PPP2R2A: variants seen among roughly 807,000 people sequenced by gnomAD.
The protein encoded by PPP2R2A is protein phosphatase 2 regulatory subunit Balpha.
In PPP2R2A, 9 loss-of-function variants were observed where a neutral mutation model predicts 53.2. The observed-to-expected ratio is 0.17, with a 90% CI of 0.10 to 0.30. The LOEUF (loss-of-function observed/expected upper bound fraction) is 0.30, where lower values mean the gene tolerates loss of function less well. Among genes scored for constraint, PPP2R2A ranks in the 10% least tolerant of loss-of-function variants. The pLI is 1.00. For synonymous variants in PPP2R2A, 169 were observed against 174.2 expected (o/e 0.97, Z 0.23); for missense variants, 235 against 534.6 (o/e 0.44, Z 5.53).
intron 3 of PPP2R2A, among the ~76,000 whole-genome samples, chr8:26,347,349 T>C (rs577328287): frequency 4.0e-5 from 6 of 151,616 alleles, no homozygotes; most frequent in African/African-American, 7.3e-5. Context: ...GGAAGAGCGC[T>C]AGCATCTGAG....
chr8:26,363,959 T>C, intron 8 of PPP2R2A, 69 bp downstream of exon 8: 1 of 1,370,836 alleles, frequency 7.3e-7, no homozygotes, highest in Non-Finnish European at 9.8e-7. Flanking sequence ...AGAAGGATTT[T>C]GTTACTAGGT....
At chr8:26,324,671 C>T (rs1803001901) in intron 2 of PPP2R2A, among the ~76,000 whole-genome samples, 1 of 148,114 alleles carries the variant, frequency 6.8e-6, no homozygotes, top group Non-Finnish European at 1.5e-5. Context: ...GGCTACCATC[C>T]TCCAGACTAC....
intron 3 of PPP2R2A, 87 bp downstream of exon 3, chr8:26,339,074 T>G (rs1281186355): frequency 3.0e-6 from 3 of 1,010,082 alleles, no homozygotes; most frequent in Non-Finnish European, 4.5e-6. Context: ...TCAGAGGATG[T>G]TGGAATTTTA....
intron 3 of PPP2R2A, among the ~76,000 whole-genome samples, chr8:26,353,809 G>A (rs981872075): frequency 4.6e-5 from 7 of 152,188 alleles, no homozygotes; most frequent in Non-Finnish European, 8.8e-5. Flanking sequence ...AATTTAAGGC[G>A]AGTAAGCAGT....
At chr8:26,345,763 T>C (rs1418018455) in intron 3 of PPP2R2A, among the ~76,000 whole-genome samples, 1 of 152,198 alleles carries the variant, frequency 6.6e-6, no homozygotes, top group East Asian at 1.9e-4. Flanking sequence ...TGATTGAAAA[T>C]ACATTATTTC....
At chr8:26,295,645 T>C (rs1433876413) in intron 2 of PPP2R2A, among the ~76,000 whole-genome samples, 2 of 152,252 alleles carry the variant, frequency 1.3e-5, no homozygotes, top group African/African-American at 4.8e-5. Flanking sequence ...GTTAAATATT[T>C]TAACGTAAGC....
intron 2 of PPP2R2A, among the ~76,000 whole-genome samples, chr8:26,308,652 A>G (rs927112911): frequency 2.6e-5 from 4 of 152,128 alleles, no homozygotes; most frequent in Non-Finnish European, 5.9e-5. Flanking sequence ...CCTACATGGA[A>G]GTCTTGAGCC....
At chr8:26,313,224 A>G (rs1376395734) in intron 2 of PPP2R2A, among the ~76,000 whole-genome samples, 5 of 151,766 alleles carry the variant, frequency 3.3e-5, no homozygotes, top group South Asian at 2.1e-4. Context: ...TAGTAGAGAC[A>G]TGGTTTCACT....
intron 1 of PPP2R2A, 108 bp downstream of exon 1, chr8:26,291,934 C>A: frequency 7.7e-7 from 1 of 1,296,480 alleles, no homozygotes; most frequent in Non-Finnish European, 1.0e-6. Context: ...CAGGGCGCCC[C>A]TCGGGTTTGA....
At chr8:26,305,230 G>A (rs1311351738) in intron 2 of PPP2R2A, among the ~76,000 whole-genome samples, 2 of 152,166 alleles carry the variant, frequency 1.3e-5, no homozygotes, top group South Asian at 2.1e-4. Flanking sequence ...TGTAGTATGT[G>A]ACAGGATTTC....
chr8:26,333,249 A>G (rs1803475164), intron 2 of PPP2R2A, among the ~76,000 whole-genome samples: 1 of 152,200 alleles, frequency 6.6e-6, no homozygotes, highest in Non-Finnish European at 1.5e-5. Flanking sequence ...GGGCATGGCT[A>G]AGTTCCATTA....
intron 2 of PPP2R2A, among the ~76,000 whole-genome samples, chr8:26,331,922 T>C (rs1803398314): frequency 6.6e-6 from 1 of 152,252 alleles, no homozygotes; most frequent in South Asian, 2.1e-4. Context: ...TTTAACCTTT[T>C]AAATTGTTAC....
chr8:26,345,476 C>T (rs937860468), intron 3 of PPP2R2A, among the ~76,000 whole-genome samples: 4 of 152,024 alleles, frequency 2.6e-5, no homozygotes, highest in Non-Finnish European at 5.9e-5. Context: ...TACCAAAGGC[C>T]TGTCTTTCTG....
intron 2 of PPP2R2A, among the ~76,000 whole-genome samples, chr8:26,308,285 A>G (rs1026516951): frequency 1.1e-4 from 16 of 152,270 alleles, no homozygotes; most frequent in African/African-American, 3.6e-4. Flanking sequence ...CTTCTTAAAA[A>G]GTGCCAAATG....
chr8:26,369,160 A>G (rs2117435705), intron 9 of PPP2R2A, among the ~76,000 whole-genome samples: 1 of 152,252 alleles, frequency 6.6e-6, no homozygotes, highest in South Asian at 2.1e-4. Flanking sequence ...ACCACTTAAT[A>G]TTCTCAGGAG....
At chr8:26,339,507 G>T (rs1241527226) in intron 3 of PPP2R2A, among the ~76,000 whole-genome samples, 2 of 152,156 alleles carry the variant, frequency 1.3e-5, no homozygotes, top group African/African-American at 4.8e-5. Flanking sequence ...ACTTAAAAGT[G>T]CAGTGCTAGC....
intron 1 of PPP2R2A, chr8:26,293,394 T>C: frequency 2.1e-6 from 2 of 931,304 alleles, no homozygotes; most frequent in Non-Finnish European, 3.2e-6. Context: ...GTAAGGCTTT[T>C]ACTGTATTTG....
intron 3 of PPP2R2A, among the ~76,000 whole-genome samples, chr8:26,345,866 T>A (rs1204329612): frequency 6.6e-6 from 1 of 152,210 alleles, no homozygotes; most frequent in Non-Finnish European, 1.5e-5. Context: ...ATTTATTGAA[T>A]TTGGATGGGC....
chr8:26,355,258 AG>A (rs1208477699), intron 4 of PPP2R2A, among the ~76,000 whole-genome samples: 2 of 152,126 alleles, frequency 1.3e-5, no homozygotes, highest in African/African-American at 4.8e-5. Context: ...TTACTTGCCA[AG>A]GGAACATTTT....
Sources: gnomAD v4.1 joint callset for allele counts (sites outside exome capture counted in the v4.1 genomes callset) on GRCh38, gnomAD v4.1.1 for gene constraint, MANE v1.5 for transcripts, NCBI Gene and HGNC (gene_info 2026-07-23, HGNC 2026-07-21) for gene names.